Variants in HPSE2 observed in about 807,000 individuals in gnomAD.
HPSE2 encodes heparanase 2 (inactive).
In HPSE2, 38 loss-of-function variants were observed where a neutral mutation model predicts 60.5. The ratio of observed to expected loss-of-function variants is 0.63; its 90% CI spans 0.48 to 0.82. HPSE2 has a LOEUF of 0.82. HPSE2 is among the 40% of genes least tolerant of loss of function. The probability of loss-of-function intolerance (pLI) is 0.00; values close to 1 mark genes in which losing one functional copy is unlikely to be tolerated. For synonymous variants in HPSE2, 295 were observed against 293.2 expected (o/e 1.01, Z -0.06); for missense variants, 713 against 740.4 (o/e 0.96, Z 0.43).
At chr10:98,756,189 G>C (rs573708657) in intron 3 of HPSE2, among the ~76,000 whole-genome samples, 30 of 152,126 alleles carry the variant, frequency 2.0e-4, no homozygotes, top group African/African-American at 7.0e-4. Context: ...TAAAAAGAAA[G>C]TTTATAGCAC....
At chr10:99,239,772 A>G (rs1849913739), upstream of HPSE2, among the ~76,000 whole-genome samples, 5 of 151,982 alleles carry the variant, frequency 3.3e-5, no homozygotes, top group African/African-American at 1.2e-4. Flanking sequence ...GACCTTAATA[A>G]AAACTGTCAA....
At chr10:98,949,658 G>A (rs1955296854) in intron 3 of HPSE2, among the ~76,000 whole-genome samples, 1 of 152,118 alleles carries the variant, frequency 6.6e-6, no homozygotes, top group Middle Eastern at 3.2e-3. Context: ...GTTTGTCTAA[G>A]TTGGACAGAC....
intron 3 of HPSE2, among the ~76,000 whole-genome samples, chr10:99,041,758 C>T (rs1957744445): frequency 6.6e-6 from 1 of 152,166 alleles, no homozygotes; most frequent in Non-Finnish European, 1.5e-5. Flanking sequence ...ATCCCACCCA[C>T]ACCTAAGCAC....
chr10:99,092,986 T>A (rs963500306), intron 3 of HPSE2, among the ~76,000 whole-genome samples: 6 of 152,150 alleles, frequency 3.9e-5, no homozygotes, highest in Admixed American at 2.6e-4. Context: ...ATCACAGCAC[T>A]TTGGAGGTCG....
At chr10:99,081,270 A>C (rs1369688998) in intron 3 of HPSE2, among the ~76,000 whole-genome samples, 1 of 152,248 alleles carries the variant, frequency 6.6e-6, no homozygotes, top group Admixed American at 6.5e-5. Flanking sequence ...ATATAAGTTA[A>C]ATGCTCTTTT....
chr10:98,703,278 T>C (rs1487787081), intron 5 of HPSE2, among the ~76,000 whole-genome samples: 1 of 152,076 alleles, frequency 6.6e-6, no homozygotes, highest in East Asian at 1.9e-4. Context: ...TACTGAAATT[T>C]AGGCAGTAAT....
At chr10:98,641,798 G>A (rs1417523935) in intron 7 of HPSE2, 49 bp downstream of exon 7, 1 of 1,382,536 alleles carries the variant, frequency 7.2e-7, no homozygotes, top group Admixed American at 1.7e-5. Context: ...CTTTTTCCTT[G>A]TCTTACCCCC....
rs1283150336 is a variant in HPSE2 at position 98,941,550 on chromosome 10, C to G, written c.611-197494G>C. Among the ~76,000 whole-genome samples the G allele has an allele frequency of 5.6e-5, 8 of 142,324 alleles. 3 individuals carry two copies. The highest frequency in any genetic ancestry group is 2.3e-4 in the African/African-American group (8 of 34,424). The allele number at this position is 142,324 out of a possible 152,430, so 93.4% of individuals were successfully genotyped here. On this transcript the variant is annotated intron_variant, in intron 3 of 11. Coordinates refer to ENST00000370552, the MANE Select transcript of HPSE2 (RefSeq NM_021828.5). Reference sequence around the variant, plus strand: ...TTGTGAAGGACCTCTTCAAGGAGAACTACAAACCACTGCTCAATGAAATAA... The same window carrying G: ...TTGTGAAGGACCTCTTCAAGGAGAAGTACAAACCACTGCTCAATGAAATAA...
intron 3 of HPSE2, among the ~76,000 whole-genome samples, chr10:99,127,822 G>A (rs1286117400): frequency 6.6e-6 from 1 of 152,156 alleles, no homozygotes; most frequent in Non-Finnish European, 1.5e-5. Context: ...AGCCAGAAGG[G>A]ATTGGAGTAT....
At chr10:98,498,153 C>T (rs1212885746) in intron 9 of HPSE2, among the ~76,000 whole-genome samples, 6 of 152,262 alleles carry the variant, frequency 3.9e-5, no homozygotes, top group South Asian at 2.1e-4. Context: ...TGCGGAGGCT[C>T]GCATCGTGAA....
chr10:98,656,031 A>G (rs761298561), intron 6 of HPSE2, among the ~76,000 whole-genome samples: 10 of 152,214 alleles, frequency 6.6e-5, no homozygotes, highest in Non-Finnish European at 1.5e-4. Context: ...CATGTGAGAA[A>G]AGCAAAACAA....
chr10:98,836,930 T>G (rs1032596886), intron 3 of HPSE2, among the ~76,000 whole-genome samples: 1 of 152,024 alleles, frequency 6.6e-6, no homozygotes, highest in Non-Finnish European at 1.5e-5. Context: ...TCCCAGCTAC[T>G]CGGGAGGCTG....
chr10:99,046,680 A>G (rs1430389063), intron 3 of HPSE2, among the ~76,000 whole-genome samples: 1 of 152,128 alleles, frequency 6.6e-6, no homozygotes, highest in Non-Finnish European at 1.5e-5. Context: ...CCAAACACCA[A>G]TAATGTCCAT....
At chr10:98,863,974 C>T (rs867974835) in intron 3 of HPSE2, among the ~76,000 whole-genome samples, 4 of 151,856 alleles carry the variant, frequency 2.6e-5, no homozygotes, top group Admixed American at 6.6e-5. Context: ...TATATATACA[C>T]GTACTATGCA....
intron 3 of HPSE2, among the ~76,000 whole-genome samples, chr10:99,064,954 CTACT>C (rs1468680603): frequency 6.6e-6 from 1 of 152,044 alleles, no homozygotes; most frequent in Admixed American, 6.6e-5. Flanking sequence ...TTTTCCTCCT[CTACT>C]ATTATTCTCA....
chr10:98,601,928 A>C (rs1428393444), intron 9 of HPSE2, among the ~76,000 whole-genome samples: 2 of 152,202 alleles, frequency 1.3e-5, no homozygotes, highest in Non-Finnish European at 2.9e-5. Context: ...GTTAGCTTGC[A>C]AATAGGGTAA....
chr10:99,013,433 C>A (rs1957063418), intron 3 of HPSE2: 1 of 512,360 alleles, frequency 2.0e-6, no homozygotes, highest in South Asian at 1.8e-5. Context: ...TTCTTGGCCA[C>A]CAATATCCTC....
At chr10:98,572,139 C>G (rs1198022795) in intron 9 of HPSE2, among the ~76,000 whole-genome samples, 1 of 151,986 alleles carries the variant, frequency 6.6e-6, no homozygotes, top group East Asian at 1.9e-4. Flanking sequence ...TGAGGTTTCA[C>G]TATGTTGGCC....
intron 3 of HPSE2, among the ~76,000 whole-genome samples, chr10:98,931,437 G>T: frequency 6.9e-6 from 1 of 144,136 alleles, no homozygotes; most frequent in East Asian, 2.0e-4. Flanking sequence ...ACTTAGGGTT[G>T]TCTTGGCTAT....
Sources: gnomAD v4.1 joint callset for allele counts (sites outside exome capture counted in the v4.1 genomes callset) on GRCh38, gnomAD v4.1.1 for gene constraint, MANE v1.5 for transcripts, NCBI Gene and HGNC (gene_info 2026-07-23, HGNC 2026-07-21) for gene names.